SNAPIN: variants seen among roughly 807,000 people sequenced by gnomAD.
SNAPIN encodes the protein SNARE-associated protein Snapin.
Under a neutral mutation model 15.9 loss-of-function variants are expected in SNAPIN, and 16 were observed. The ratio of observed to expected loss-of-function variants is 1.01; its 90% CI spans 0.68 to 1.53. The LOEUF is 1.53. Among genes scored for constraint, SNAPIN ranks in the 40% most tolerant of loss-of-function variants. The probability of loss-of-function intolerance (pLI) is 0.00; values close to 1 mark genes in which losing one functional copy is unlikely to be tolerated. For missense variants in SNAPIN, 186 were observed against 180.1 expected (o/e 1.03, Z -0.19); for synonymous variants, 83 against 76.2 (o/e 1.09, Z -0.46).
intron 3 of SNAPIN, among the ~76,000 whole-genome samples, chr1:153,660,322 C>T (rs2101708548): frequency 6.8e-6 from 1 of 147,346 alleles, no homozygotes; most frequent in African/African-American, 2.5e-5. Flanking sequence ...TGCACCCGGC[C>T]TGCCTGGCCT....
At position 153,661,639 on chromosome 1, in the gene SNAPIN, T is replaced by C. The variant is rs1467126491; in HGVS notation, c.*338T>C. The C allele has an allele frequency of 3.0e-5, 6 of 201,338 alleles. No individual in the cohort carries two copies. In the East Asian group the frequency reaches 5.6e-4, roughly 19 times the overall value. The allele number at this position is 201,338 out of a possible 1,614,324, so 12.5% of individuals were successfully genotyped here. On this transcript the variant is annotated 3_prime_UTR_variant, in exon 4 of 4. Transcript: ENST00000368685. Reference sequence around the variant, plus strand: ...AGAGGGGCTTCCTTTGTATGTTACATGCCTGGTTACATGGGCCTGGACAGC... The same window carrying C: ...AGAGGGGCTTCCTTTGTATGTTACACGCCTGGTTACATGGGCCTGGACAGC...
At chr1:153,660,057 C>T (rs935528384) in intron 3 of SNAPIN, among the ~76,000 whole-genome samples, 1 of 152,122 alleles carries the variant, frequency 6.6e-6, no homozygotes, top group Non-Finnish European at 1.5e-5. Context: ...GATACAAGGT[C>T]TATCACCCAG....
At chr1:153,659,603 T>G (rs1435042304) in intron 3 of SNAPIN, 37 bp downstream of exon 3, 9 of 1,465,710 alleles carry the variant, frequency 6.1e-6, no homozygotes, top group Non-Finnish European at 8.6e-6. Context: ...TTCTTTGCCC[T>G]TTTTTGTAAG....
At chr1:153,660,324 G>T (rs1669114956) in intron 3 of SNAPIN, among the ~76,000 whole-genome samples, 1 of 143,188 alleles carries the variant, frequency 7.0e-6, no homozygotes, top group Non-Finnish European at 1.5e-5. Flanking sequence ...CACCCGGCCT[G>T]CCTGGCCTTT....
chr1:153,660,331 C>CT (rs534699445), intron 3 of SNAPIN, among the ~76,000 whole-genome samples: 74,334 of 135,122 alleles, frequency 0.55, 20,636 homozygotes, highest in East Asian at 0.71. Flanking sequence ...CCTGCCTGGC[C>CT]TTTTTTTTTT....
At chr1:153,660,477 C>T (rs1024466958) in intron 3 of SNAPIN, among the ~76,000 whole-genome samples, 1 of 151,666 alleles carries the variant, frequency 6.6e-6, no homozygotes, top group Non-Finnish European at 1.5e-5. Flanking sequence ...AGAGAAACCC[C>T]GTCTCTACTA....
rs1375182476 is a variant in SNAPIN at position 153,658,752 on chromosome 1, G to A, written c.9G>A (p.Gly3=). Residue 3 remains glycine, a synonymous_variant, in exon 1 of 4, where the codon GGG becomes GGA. Transcript: ENST00000368685. MA[G]AGSAAVSGAG... ...CTTCAGGACAATTCGTGATGGCGGG[G>A]GCTGGTTCCGCCGCTGTATCGGGGG... is the stretch of plus-strand genomic sequence containing the variant. The A allele has an allele frequency of 3.8e-6, 6 of 1,564,392 alleles. No individual in the cohort carries two copies. The Admixed American group carries it at 1.1e-4, about 29-fold the overall frequency.
At chr1:153,658,912 G>A (rs1415454824) in intron 1 of SNAPIN, 26 bp downstream of exon 1, 2 of 1,608,478 alleles carry the variant, frequency 1.2e-6, no homozygotes, top group South Asian at 1.1e-5. Context: ...GTTGGGGGCG[G>A]GGCCTGTCTC....
chr1:153,658,668 C>T, upstream of SNAPIN: 2 of 1,421,180 alleles, frequency 1.4e-6, no homozygotes, highest in South Asian at 1.7e-5. Flanking sequence ...CGCCCCCTCA[C>T]GGGGCGGGGC....
rs748257859 is a variant in SNAPIN, at chr1:153,661,235, G to A, written c.345G>A (p.Lys115=). The change falls in exon 4 of 4, where the codon AAG becomes AAA. Residue 115 remains lysine, a synonymous_variant. Transcript: ENST00000368685. ...GACGGCTAAACCACAGTGTTGCCAA[G>A]GAAACAGCCCGCAGGAGAGCAATGC... ...RLRRLNHSVA[K]ETARRRAMLD... is the part of the protein sequence containing the mutation. 10 of 1,613,684 alleles carry A rather than the reference G, an allele frequency of 6.2e-6. No homozygotes were observed. The highest frequency in any genetic ancestry group is 5.3e-5 in the African/African-American group (4 of 74,892).
At chr1:153,661,065 C>T (rs1052994826) in intron 3 of SNAPIN, 135 bp from the exon 4 acceptor site, 17 of 608,726 alleles carry the variant, frequency 2.8e-5, no homozygotes, top group African/African-American at 2.2e-4. Flanking sequence ...CCACCATGCC[C>T]GGCCTACATT....
At chr1:153,659,795 G>C (rs1185273346) in intron 3 of SNAPIN, among the ~76,000 whole-genome samples, 1 of 151,890 alleles carries the variant, frequency 6.6e-6, no homozygotes, top group African/African-American at 2.4e-5. Context: ...GCTGGAGTGC[G>C]GTGGCTCAAT....
intron 3 of SNAPIN, among the ~76,000 whole-genome samples, chr1:153,660,517 G>A (rs973620686): frequency 6.6e-5 from 10 of 151,738 alleles, no homozygotes; most frequent in South Asian, 2.1e-4. Flanking sequence ...GCGTGGTAGC[G>A]CATGCCTGTA....
chr1:153,659,361 G>C, intron 2 of SNAPIN, 87 bp from the exon 3 acceptor site: 2 of 1,298,182 alleles, frequency 1.5e-6, no homozygotes, highest in Non-Finnish European at 1.1e-6. Flanking sequence ...TTGGGTGCAA[G>C]TGTTTTCCAT....
chr1:153,658,943 G>A (rs1669082586), intron 1 of SNAPIN, 57 bp downstream of exon 1: 1 of 1,600,782 alleles, frequency 6.2e-7, no homozygotes, highest in African/African-American at 1.4e-5. Context: ...TAGGGGCGGG[G>A]CCAAGAAAGT....
At chr1:153,659,055 C>G in intron 1 of SNAPIN, 83 bp from the exon 2 acceptor site, 1 of 1,566,072 alleles carries the variant, frequency 6.4e-7, no homozygotes, top group Non-Finnish European at 8.8e-7. Flanking sequence ...CGGCTTCTCT[C>G]AGTACTTGGT....
intron 2 of SNAPIN, 61 bp from the exon 3 acceptor site, chr1:153,659,387 C>T: frequency 7.0e-7 from 1 of 1,427,092 alleles, no homozygotes; most frequent in East Asian, 2.3e-5. Context: ...TACCAGCCTG[C>T]TTTCCCTCAG....
chr1:153,661,626 T>C lies in SNAPIN; in HGVS notation c.*325T>C. On this transcript the variant is annotated 3_prime_UTR_variant, in exon 4 of 4. Transcript: ENST00000368685. ...GGACTAGTTAACCAGAGGGGCTTCC[T>C]TTGTATGTTACATGCCTGGTTACAT... 1 of 206,136 alleles carries C rather than the reference T, an allele frequency of 4.9e-6. No homozygotes were observed. Among genetic ancestry groups the C allele is most frequent in the East Asian group, 1.1e-4 (1 of 9,266 alleles). 12.8% of individuals were successfully genotyped at this position (206,136 alleles called of 1,614,324 possible).
chr1:153,661,178 C>A, intron 3 of SNAPIN, 22 bp from the exon 4 acceptor site: 1 of 1,606,968 alleles, frequency 6.2e-7, no homozygotes, highest in Non-Finnish European at 8.5e-7. Flanking sequence ...GGTTAAGATT[C>A]CAAACCTTCC....
Sources: allele counts gnomAD v4.1 joint callset (sites outside exome capture counted in the v4.1 genomes callset), GRCh38; gene constraint gnomAD v4.1.1; transcripts MANE v1.5; gene names NCBI Gene and HGNC (gene_info 2026-07-23, HGNC 2026-07-21).